The following PCSK5 variants were observed in gnomAD, a reference collection of about 807,000 sequenced individuals.
The protein encoded by PCSK5 is proprotein convertase subtilisin/kexin type 5, also known as prohormone convertase 5.
A neutral mutation model predicts 233.2 loss-of-function variants in PCSK5; 129 were observed. The ratio of observed to expected loss-of-function variants is 0.55; its 90% CI spans 0.48 to 0.64. The LOEUF is 0.64. Ranked by LOEUF, PCSK5 falls within the 30% of genes least tolerant of loss-of-function variation. PCSK5 has a pLI of 0.00. For synonymous variants in PCSK5, 825 were observed against 879.2 expected, an observed-to-expected ratio of 0.94 and a Z score of 1.09; for missense variants, 2,076 against 2,430.1, an observed-to-expected ratio of 0.85 and a Z score of 3.06.
intron 1 of PCSK5, among the ~76,000 whole-genome samples, chr9:75,924,622 A>G (rs1225166978): frequency 1.3e-5 from 2 of 152,120 alleles, no homozygotes; most frequent in Non-Finnish European, 2.9e-5. Flanking sequence ...TCCCAGAGAA[A>G]AGGAATGAGC....
chr9:76,075,786 A>T (rs922028681), intron 7 of PCSK5, among the ~76,000 whole-genome samples: 7 of 152,204 alleles, frequency 4.6e-5, no homozygotes, highest in Non-Finnish European at 1.0e-4. Context: ...ATTCTGGCCT[A>T]TTGGGGTTTA....
chr9:76,193,282 A>G (rs1451292174), intron 20 of PCSK5: 9 of 1,613,474 alleles, frequency 5.6e-6, no homozygotes, highest in Non-Finnish European at 7.6e-6. Context: ...ATGCTTGTGA[A>G]AAAGAACAAT....
At chr9:76,244,494 A>G (rs183757928) in intron 24 of PCSK5, among the ~76,000 whole-genome samples, 122 of 152,158 alleles carry the variant, frequency 8.0e-4, no homozygotes, top group African/African-American at 2.8e-3. Context: ...GAGTCAGAGA[A>G]AAGTGAAATC....
chr9:76,269,779 C>A (rs1199946392), intron 24 of PCSK5, among the ~76,000 whole-genome samples: 1 of 152,120 alleles, frequency 6.6e-6, no homozygotes, highest in East Asian at 1.9e-4. Flanking sequence ...ACTCTCAGAT[C>A]AAGAGAAACA....
chr9:76,302,539 C>A (rs912576909), intron 28 of PCSK5, among the ~76,000 whole-genome samples: 6 of 152,272 alleles, frequency 3.9e-5, no homozygotes, highest in East Asian at 3.9e-4. Flanking sequence ...GCTAAGGAAG[C>A]ACCTCTGCCT....
chr9:76,066,880 G>A (rs1830306272), intron 5 of PCSK5, among the ~76,000 whole-genome samples: 1 of 152,078 alleles, frequency 6.6e-6, no homozygotes, highest in Non-Finnish European at 1.5e-5. Flanking sequence ...TTTGCTAACT[G>A]TGCTACTCTC....
chr9:76,152,072 T>C (rs917510354), intron 10 of PCSK5, among the ~76,000 whole-genome samples: 2 of 152,252 alleles, frequency 1.3e-5, no homozygotes, highest in Non-Finnish European at 2.9e-5. Flanking sequence ...GATGGTTATG[T>C]GCATCCGAAC....
chr9:76,000,243 A>G (rs908052245), intron 3 of PCSK5, among the ~76,000 whole-genome samples: 1 of 152,134 alleles, frequency 6.6e-6, no homozygotes, highest in East Asian at 1.9e-4. Context: ...CTGCAATCTC[A>G]TGGGGTCATT....
chr9:76,233,496 C>A lies in PCSK5; in HGVS notation c.2766C>A (p.Pro922=). Residue 922 remains proline (P), a synonymous_variant, in exon 22 of 38, where the codon CCC becomes CCA. Transcript: ENST00000674117. ...FDDGRCVSNC[P]SWKFEFENQC... is the part of the protein sequence containing the mutation. ...ATGGCCGCTGTGTTTCGAACTGCCC[C>A]TCATGGAAATTTGAATTTGAGAACC... 1 of 1,612,758 alleles carries A rather than the reference C, an allele frequency of 6.2e-7. No homozygotes were observed. The highest frequency in any genetic ancestry group is 8.5e-7 in the Non-Finnish European group (1 of 1,179,816).
At chr9:76,354,788 A>T (rs1292476250) in intron 37 of PCSK5, among the ~76,000 whole-genome samples, 6 of 152,104 alleles carry the variant, frequency 3.9e-5, no homozygotes, top group South Asian at 2.1e-4. Context: ...ATTTTTTTTT[A>T]AAAAATGGTT....
chr9:75,891,514 TGC>T (rs576573404), intron 1 of PCSK5, 141 bp downstream of exon 1: 1,679 of 575,322 alleles, frequency 2.9e-3, no homozygotes, highest in South Asian at 5.3e-3. Flanking sequence ...CTCTGTCTCC[TGC>T]GCGCGCGCGC....
intron 9 of PCSK5, among the ~76,000 whole-genome samples, chr9:76,112,783 CAG>C (rs1236962567): frequency 6.6e-6 from 1 of 151,886 alleles, no homozygotes; most frequent in Non-Finnish European, 1.5e-5. Context: ...TGTACACTAA[CAG>C]ATATATGCAA....
intron 5 of PCSK5, among the ~76,000 whole-genome samples, chr9:76,027,300 G>A (rs374375103): frequency 2.2e-4 from 34 of 152,050 alleles, no homozygotes; most frequent in South Asian, 1.4e-3. Flanking sequence ...GACCCCTCAC[G>A]TGGTAATTGC....
intron 1 of PCSK5, among the ~76,000 whole-genome samples, chr9:75,921,079 A>G (rs771236827): frequency 6.6e-6 from 1 of 152,174 alleles, no homozygotes; most frequent in Admixed American, 6.5e-5. Flanking sequence ...TTAATTAACT[A>G]GATAGGAATA....
intron 20 of PCSK5, among the ~76,000 whole-genome samples, chr9:76,211,831 G>T (rs555275487): frequency 6.6e-6 from 1 of 151,952 alleles, no homozygotes; most frequent in Admixed American, 6.6e-5. Flanking sequence ...CTGGGTGAGA[G>T]AATGAGACCG....
At chr9:76,100,731 CTATT>C (rs1768107771) in intron 8 of PCSK5, among the ~76,000 whole-genome samples, 2 of 152,170 alleles carry the variant, frequency 1.3e-5, no homozygotes, top group Non-Finnish European at 2.9e-5. Context: ...TTGTTTTTCA[CTATT>C]TAGTCTCCTC....
intron 5 of PCSK5, among the ~76,000 whole-genome samples, chr9:76,030,247 G>T (rs1828599107): frequency 6.6e-6 from 1 of 151,754 alleles, no homozygotes; most frequent in Non-Finnish European, 1.5e-5. Context: ...AAACATTTTA[G>T]CTCTCCATGA....
chr9:76,296,739 C>G lies in PCSK5; in HGVS notation c.3397C>G (p.Arg1133Gly), dbSNP rs558004911. The G allele has an allele frequency of 9.9e-6, 16 of 1,612,192 alleles. No homozygotes were observed. The South Asian group carries it at 1.6e-4, about 17-fold the overall frequency. Residue 1133 changes from arginine (R) to glycine (G), a missense_variant, in exon 27 of 38, where the codon CGA (arginine) becomes GGA (glycine). This residue lies in a region of PCSK5 where 1,510 missense variants were observed against 1,538.1 expected (regional missense o/e 0.98). Coordinates refer to ENST00000674117, the MANE Select transcript of PCSK5 (RefSeq NM_001372043.1). ...QEMGECESCH[R>G]ACETCTGPGH... ...AATGGGAGAATGTGAGTCCTGCCACCGAGCATGCGAAACCTGCACAGGCCC... is the reference window on the plus strand; with the variant it reads ...AATGGGAGAATGTGAGTCCTGCCACGGAGCATGCGAAACCTGCACAGGCCC...
At chr9:76,094,345 C>T (rs1181771664) in intron 7 of PCSK5, among the ~76,000 whole-genome samples, 1 of 152,150 alleles carries the variant, frequency 6.6e-6, no homozygotes, top group Non-Finnish European at 1.5e-5. Flanking sequence ...GGAAGAAAGT[C>T]TCTGCCATCA....
Sources: allele counts gnomAD v4.1 joint callset (sites outside exome capture counted in the v4.1 genomes callset), GRCh38; gene constraint gnomAD v4.1.1; regional missense constraint gnomAD v4.1.1; transcripts MANE v1.5; gene names NCBI Gene and HGNC (gene_info 2026-07-23, HGNC 2026-07-21).